Variants in DOCK10 observed in about 807,000 individuals in gnomAD.
The protein encoded by DOCK10 is dedicator of cytokinesis protein 10.
In DOCK10, 145 loss-of-function variants were observed where a neutral mutation model predicts 280.1. That is an observed-to-expected ratio of 0.52 (90% CI 0.45 to 0.59). The LOEUF (loss-of-function observed/expected upper bound fraction) is 0.59. Among genes scored for constraint, DOCK10 ranks in the 20% least tolerant of loss-of-function variants. DOCK10 has a pLI of 0.00. For synonymous variants in DOCK10, 915 were observed against 942.2 expected (o/e 0.97, Z 0.53); for missense variants, 2,368 against 2,651.7 (o/e 0.89, Z 2.35).
At chr2:225,001,544 TC>T in intron 1 of DOCK10, among the ~76,000 whole-genome samples, 1 of 152,224 alleles carries the variant, frequency 6.6e-6, no homozygotes, top group East Asian at 1.9e-4. Flanking sequence ...CGCCTCAGCC[TC>T]CCAAAGTGCT....
At chr2:224,983,884 T>G (rs547805201) in intron 1 of DOCK10, 64 of 471,058 alleles carry the variant, frequency 1.4e-4, no homozygotes, top group South Asian at 9.6e-4. Flanking sequence ...TTTGTCAGAC[T>G]GCCCGGGTGC....
intron 1 of DOCK10, among the ~76,000 whole-genome samples, chr2:224,985,887 G>A (rs1004373728): frequency 1.1e-4 from 16 of 152,170 alleles, no homozygotes; most frequent in African/African-American, 3.9e-4. Flanking sequence ...TTTTTACAAT[G>A]GGCAAGGAAA....
chr2:225,010,705 G>T (rs1303167436), intron 1 of DOCK10, among the ~76,000 whole-genome samples: 1 of 151,670 alleles, frequency 6.6e-6, no homozygotes, highest in African/African-American at 2.4e-5. Flanking sequence ...AATTAGAGTT[G>T]GGAATATAGA....
At chr2:224,874,237 A>G (rs748873879) in intron 10 of DOCK10, 29 bp downstream of exon 10, 7 of 1,606,152 alleles carry the variant, frequency 4.4e-6, no homozygotes, top group South Asian at 2.2e-5. Flanking sequence ...GATCAAGTTC[A>G]TATCTGCTTA....
intron 31 of DOCK10, 95 bp downstream of exon 31, chr2:224,814,225 A>C: frequency 1.6e-6 from 1 of 621,886 alleles, no homozygotes; most frequent in Non-Finnish European, 2.5e-6. Flanking sequence ...AAATATGTGA[A>C]TATTTATTAG....
chr2:224,967,160 A>G (rs1290412405), intron 1 of DOCK10, among the ~76,000 whole-genome samples: 1 of 151,360 alleles, frequency 6.6e-6, no homozygotes, highest in African/African-American at 2.4e-5. Context: ...GCTCACTGCA[A>G]GCTCCACCTC....
In DOCK10 at chr2:224,778,256, T is replaced by C; in HGVS notation, c.5684A>G (p.Glu1895Gly). 1 of 1,605,806 alleles carries C rather than the reference T, an allele frequency of 6.2e-7. No individual in the cohort carries two copies. Among genetic ancestry groups the C allele is most frequent in the Non-Finnish European group, 8.5e-7 (1 of 1,175,426 alleles). Residue 1895 changes from glutamate to glycine, a missense_variant, in exon 51 of 56, where the codon GAG (glutamate) becomes GGG (glycine). This residue lies in a region of DOCK10 where 1,159 missense variants were observed against 1,400.8 expected (regional missense o/e 0.83). Transcript: ENST00000258390. The stretch of plus-strand genomic sequence containing the variant: ...CAGCTTAGGCTCTTTATAAATATAC[T>C]CTTTACCTTCTTCTTCTTCAAAAAA... ...QGFFEEEEGKEYIYKEPKLTG... is the reference protein window; with the variant it reads ...QGFFEEEEGKGYIYKEPKLTG...
intron 14 of DOCK10, among the ~76,000 whole-genome samples, chr2:224,858,974 T>G (rs74637424): frequency 0.013 from 1,961 of 152,256 alleles, 47 homozygotes; most frequent in African/African-American, 0.044. Context: ...GACATATTTT[T>G]TGTGTGTGTG....
At chr2:224,955,365 T>G (rs1703978660) in intron 1 of DOCK10, among the ~76,000 whole-genome samples, 1 of 152,214 alleles carries the variant, frequency 6.6e-6, no homozygotes, top group South Asian at 2.1e-4. Context: ...TCTTTATAAA[T>G]GGAAGGCAAT....
chr2:224,915,521 A>AACAGAAATATGT (rs1701257032), intron 3 of DOCK10, among the ~76,000 whole-genome samples: 1 of 152,268 alleles, frequency 6.6e-6, no homozygotes, highest in Admixed American at 6.5e-5. Context: ...TGAACAGTAC[A>AACAGAAATATGT]ACAGAAAATA....
rs1016164705 is a variant in DOCK10 at position 224,844,875 on chromosome 2, A to G, written c.2482-36T>C. ...AAGTTTGTTTACTGTCACTGGGACAATTCGAGAGAAAGAAAATAAATAGAT... is the reference window on the plus strand; with the variant it reads ...AAGTTTGTTTACTGTCACTGGGACAGTTCGAGAGAAAGAAAATAAATAGAT... On this transcript the variant is annotated intron_variant, in intron 21 of 55. Coordinates refer to ENST00000258390, the MANE Select transcript of DOCK10 (RefSeq NM_014689.3). The G allele has an allele frequency of 1.4e-5, 20 of 1,383,936 alleles. No homozygotes were observed. The Admixed American group carries it at 2.6e-4, about 18-fold the overall frequency. The allele number at this position is 1,383,936 out of a possible 1,614,324, so 85.7% of individuals were successfully genotyped here.
chr2:224,948,367 A>G (rs1051735820), intron 1 of DOCK10, among the ~76,000 whole-genome samples: 32 of 152,256 alleles, frequency 2.1e-4, no homozygotes, highest in Admixed American at 1.5e-3. Context: ...TGGCTTAGTT[A>G]GGCAAACTAA....
chr2:224,917,370 G>A (rs1453078642), intron 2 of DOCK10, among the ~76,000 whole-genome samples: 1 of 152,056 alleles, frequency 6.6e-6, no homozygotes, highest in African/African-American at 2.4e-5. Flanking sequence ...GCCTCCCAAA[G>A]TGGAATCTTT....
intron 3 of DOCK10, among the ~76,000 whole-genome samples, chr2:224,912,331 C>A (rs1044866857): frequency 5.9e-5 from 9 of 152,020 alleles, no homozygotes; most frequent in Admixed American, 5.9e-4. Context: ...GACAGGGTTT[C>A]ACCATGTTGG....
chr2:224,960,614 A>C (rs1292830624), intron 1 of DOCK10, among the ~76,000 whole-genome samples: 1 of 152,012 alleles, frequency 6.6e-6, no homozygotes, highest in Non-Finnish European at 1.5e-5. Context: ...CCTTCCATGC[A>C]ACTTTATCAT....
intron 1 of DOCK10, among the ~76,000 whole-genome samples, chr2:224,959,999 A>T (rs1217564969): frequency 6.6e-6 from 1 of 152,042 alleles, no homozygotes; most frequent in Non-Finnish European, 1.5e-5. Context: ...TATGGGGAAC[A>T]CCTCCTCTAT....
At chr2:224,778,086 TAAAA>T (rs1559377332) in intron 51 of DOCK10, 48 bp downstream of exon 51, 7 of 1,555,976 alleles carry the variant, frequency 4.5e-6, no homozygotes, top group Non-Finnish European at 6.2e-6. Flanking sequence ...AGTTAAAGAA[TAAAA>T]AACTCAGTCA....
chr2:224,820,624 A>G (rs1033409934), intron 28 of DOCK10, among the ~76,000 whole-genome samples: 1 of 152,256 alleles, frequency 6.6e-6, no homozygotes, highest in African/African-American at 2.4e-5. Flanking sequence ...TTACTCACAG[A>G]CAGGACTACA....
At chr2:224,888,432 GTA>G (rs1281645976) in intron 4 of DOCK10, among the ~76,000 whole-genome samples, 4 of 151,860 alleles carry the variant, frequency 2.6e-5, no homozygotes, top group African/African-American at 7.3e-5. Context: ...ATGAGTGTAT[GTA>G]TATATGTGTG....
Sources: gnomAD v4.1 joint callset for allele counts (sites outside exome capture counted in the v4.1 genomes callset) on GRCh38, gnomAD v4.1.1 for gene constraint, gnomAD v4.1.1 regional missense constraint, MANE v1.5 for transcripts, NCBI Gene and HGNC (gene_info 2026-07-23, HGNC 2026-07-21) for gene names.